Variants in SCAMP4 observed in about 807,000 individuals in gnomAD.
SCAMP4 encodes the protein secretory carrier membrane protein 4, also known as secretory carrier-associated membrane protein 4.
Under a neutral mutation model 32.1 loss-of-function variants are expected in SCAMP4, and 19 were observed. The observed-to-expected ratio is 0.59, with a 90% confidence interval of 0.41 to 0.87. The LOEUF is 0.87. Among genes scored for constraint, SCAMP4 ranks in the 40% least tolerant of loss-of-function variants. The probability of loss-of-function intolerance (pLI) is 0.00; values close to 1 mark genes in which losing one functional copy is unlikely to be tolerated. For missense variants in SCAMP4, 302 were observed against 309.0 expected (o/e 0.98, Z 0.17); for synonymous variants, 152 against 132.7 (o/e 1.15, Z -1.00).
At chr19:1,914,723 G>C (rs1409949867) in intron 1 of SCAMP4, among the ~76,000 whole-genome samples, 1 of 152,186 alleles carries the variant, frequency 6.6e-6, no homozygotes, top group East Asian at 1.9e-4. Flanking sequence ...GGGCATCCTG[G>C]CTGGGGCGGT....
intron 5 of SCAMP4, chr19:1,920,712 C>CGA: frequency 2.0e-6 from 2 of 985,530 alleles, no homozygotes. Context: ...TCCCAGCTGC[C>CGA]AGCTCGGCTC....
chr19:1,911,951 C>G (rs2013473425), intron 1 of SCAMP4: 3 of 1,389,456 alleles, frequency 2.2e-6, no homozygotes, highest in Non-Finnish European at 1.9e-6. Context: ...AGCCCTCGGA[C>G]TAGCCTCAGC....
At chr19:1,922,530 C>CGG in intron 5 of SCAMP4, 3 of 985,404 alleles carry the variant, frequency 3.0e-6, no homozygotes, top group Middle Eastern at 5.2e-4. Flanking sequence ...CCTCTGCGCC[C>CGG]GGCCTCCTCA....
intron 1 of SCAMP4, chr19:1,912,755 C>T: frequency 6.4e-7 from 1 of 1,552,360 alleles, no homozygotes; most frequent in Non-Finnish European, 8.6e-7. Flanking sequence ...CGGACAACCC[C>T]CTCCTGCACG....
intron 1 of SCAMP4, chr19:1,911,912 T>G: frequency 1.8e-6 from 2 of 1,138,782 alleles, no homozygotes; most frequent in Non-Finnish European, 1.2e-6. Flanking sequence ...CATGAGGGAG[T>G]GTAGCTCTGA....
chr19:1,919,329 T>C, intron 5 of SCAMP4: 1 of 1,182,234 alleles, frequency 8.5e-7, no homozygotes, highest in Non-Finnish European at 1.1e-6. Context: ...TCCTGGCTGC[T>C]GATGTTTCTG....
At chr19:1,920,920 C>T (rs1463041107) in intron 5 of SCAMP4, 13 of 985,214 alleles carry the variant, frequency 1.3e-5, no homozygotes, top group East Asian at 1.1e-4. Context: ...GCGGCAGCAG[C>T]GACTTGGCTC....
intron 1 of SCAMP4, chr19:1,913,549 C>T (rs543175305): frequency 4.4e-6 from 1 of 224,840 alleles, no homozygotes; most frequent in African/African-American, 2.3e-5. Context: ...CCTGCTGAGC[C>T]ACGTGTGGTC....
chr19:1,920,025 C>A, intron 5 of SCAMP4: 1 of 434,912 alleles, frequency 2.3e-6, no homozygotes, highest in Non-Finnish European at 3.1e-6. Context: ...GTTGGTCAGG[C>A]TGGTCTGAAA....
rs747252952 is a variant in SCAMP4 at position 1,924,262 on chromosome 19, C to T, written c.668C>T (p.Pro223Leu). The T allele has an allele frequency of 1.7e-5, 27 of 1,598,256 alleles. No homozygotes were observed. The highest frequency in any genetic ancestry group is 8.0e-5 in the African/African-American group (6 of 74,614). The change falls in exon 7 of 7, where the codon CCG (proline) becomes CTG (leucine). Residue 223 changes from proline to leucine, a missense_variant. By Grantham distance (98) the Pro-to-Leu change is moderately conservative (BLOSUM62 -3). Coordinates refer to ENST00000316097, the MANE Select transcript of SCAMP4 (RefSeq NM_079834.4). ...LPEYPTVPSYPGSGQWP is the reference protein window; with the variant it reads ...LPEYPTVPSYLGSGQWP ...GAGTACCCCACTGTGCCCAGCTACC[C>T]GGGCAGTGGCCAGTGGCCTTAGAGG...
At chr19:1,923,270 C>G in intron 6 of SCAMP4, 83 bp downstream of exon 6, 1 of 1,236,004 alleles carries the variant, frequency 8.1e-7, no homozygotes, top group South Asian at 1.5e-5. Flanking sequence ...GGGTGAACGT[C>G]GAGGAGCCGG....
chr19:1,915,416 C>T (rs1489871689), intron 2 of SCAMP4: 5 of 269,456 alleles, frequency 1.9e-5, no homozygotes, highest in South Asian at 1.0e-4. Context: ...TCTGACTCCC[C>T]ATCTGGCCCT....
chr19:1,912,473 G>C (rs2013517706), intron 1 of SCAMP4: 1 of 1,500,178 alleles, frequency 6.7e-7, no homozygotes, highest in Admixed American at 2.1e-5. Flanking sequence ...CCTTCCTGGT[G>C]CCCGTGCCCG....
intron 5 of SCAMP4, chr19:1,921,994 C>G (rs773862210): frequency 1.0e-6 from 1 of 985,332 alleles, no homozygotes; most frequent in African/African-American, 1.7e-5. Flanking sequence ...CGGACACATC[C>G]GGGGGTGTGG....
intron 3 of SCAMP4, 66 bp from the exon 4 acceptor site, chr19:1,918,061 G>A (rs2013792241): frequency 2.6e-6 from 4 of 1,554,384 alleles, no homozygotes; most frequent in Non-Finnish European, 2.6e-6. Context: ...CCCATTGCTG[G>A]GCCCATGCTT....
chr19:1,914,658 C>T (rs1394423455), intron 1 of SCAMP4: 12 of 428,070 alleles, frequency 2.8e-5, no homozygotes, highest in Non-Finnish European at 5.2e-5. Context: ...GCGCCCACCC[C>T]TTGTGGGCTG....
In SCAMP4 at chr19:1,924,606, T is replaced by G; in HGVS notation, c.*322T>G. The G allele has an allele frequency of 2.9e-6, 1 of 339,306 alleles. No homozygotes were observed. Among genetic ancestry groups the G allele is most frequent in the South Asian group, 3.5e-5 (1 of 28,412 alleles). 21.0% of individuals were successfully genotyped at this position (339,306 alleles called of 1,614,324 possible). A position where few individuals can be genotyped will look rare whatever the true frequency, so the allele number is the denominator to read the frequency against. ...GGCCTTGTCTTCAGGTCTCGAGGCC[T>G]GACTCCGGGGGACAGGTGGCAGCAG... is the stretch of plus-strand genomic sequence containing the variant. On this transcript the variant is annotated 3_prime_UTR_variant, in exon 7 of 7. Coordinates refer to ENST00000316097, the MANE Select transcript of SCAMP4 (RefSeq NM_079834.4).
At chr19:1,906,810 C>T (rs1378362414) in intron 1 of SCAMP4, 2 of 149,984 alleles carry the variant, frequency 1.3e-5, no homozygotes, top group African/African-American at 5.0e-5. Flanking sequence ...AGGATCGTGC[C>T]ACTGCACTCC....
intron 5 of SCAMP4, chr19:1,920,027 G>A: frequency 9.0e-6 from 4 of 443,240 alleles, no homozygotes; most frequent in Non-Finnish European, 1.2e-5. Context: ...TGGTCAGGCT[G>A]GTCTGAAACT....
Sources: gnomAD v4.1 joint callset for allele counts (sites outside exome capture counted in the v4.1 genomes callset) on GRCh38, gnomAD v4.1.1 for gene constraint, MANE v1.5 for transcripts, NCBI Gene and HGNC (gene_info 2026-07-23, HGNC 2026-07-21) for gene names.